FXYD2: variants seen among roughly 807,000 people sequenced by gnomAD.
FXYD2 encodes the protein FXYD domain containing ion transport regulator 2.
FXYD2 carries 8 observed loss-of-function variants against 11.8 expected under a neutral mutation model. The observed-to-expected ratio is 0.68, with a 90% CI of 0.40 to 1.22. The LOEUF (loss-of-function observed/expected upper bound fraction) is 1.22, where lower values mean the gene tolerates loss of function less well. Ranked by LOEUF, FXYD2 falls within the 50% of genes most tolerant of loss-of-function variation. The pLI is 0.01. For missense variants in FXYD2, 92 were observed against 91.8 expected (o/e 1.00, Z -0.01); for synonymous variants, 42 against 33.3 (o/e 1.26, Z -0.90).
rs2055989078 is a variant in FXYD2 at position 117,824,351 on chromosome 11, T to TTGCATCAGCAAGATGCATC, written c.25+302_25+303insGATGCATCTTGCTGATGCA. The stretch of plus-strand genomic sequence containing the variant: ...GCCTCCCGCCCAAGTTCAGACGGTC[T>TTGCATCAGCAAGATGCATC]AGCAAGATGCATTGAACTCAGGGCG... On this transcript the variant is annotated intron_variant, in intron 1 of 5. Transcript: ENST00000292079. The surrounding 1 kb of genome is among the most constrained non-coding windows in gnomAD (Gnocchi z 4.0). The TTGCATCAGCAAGATGCATC allele has an allele frequency of 1.5e-5, 8 of 536,922 alleles. No homozygotes were observed. The South Asian group carries it at 1.6e-4, about 11-fold the overall frequency. The allele number at this position is 536,922 out of a possible 1,614,324, so 33.3% of individuals were successfully genotyped here.
Position 117,820,710 on chromosome 11 carries a change from G to A in FXYD2, c.177-14C>T, listed in dbSNP as rs2055879475. On this transcript the variant is annotated splice_polypyrimidine_tract_variant and intron_variant, in intron 4 of 5. Transcript: ENST00000292079. The stretch of plus-strand genomic sequence containing the variant: ...TCATTGATTTGCCTGGTGGGGGAAG[G>A]AAAAGCAACAGGTGAGAGGGCAGGG... 14 of 1,613,666 alleles carry A rather than the reference G, an allele frequency of 8.7e-6. No individual in the cohort carries two copies. Among genetic ancestry groups the A allele is most frequent in the Non-Finnish European group, 1.2e-5 (14 of 1,179,990 alleles).
chr11:117,826,112 A>G (rs2056030726), upstream of FXYD2, among the ~76,000 whole-genome samples: 1 of 152,170 alleles, frequency 6.6e-6, no homozygotes, highest in Admixed American at 6.5e-5. Flanking sequence ...GCACACGGTG[A>G]GTGGCATCAT....
chr11:117,820,881 A>C lies in FXYD2; in HGVS notation c.154T>G (p.Cys52Gly). 6.2e-7 allele frequency: 1 copy of C among 1,611,794 alleles called. No homozygotes were observed. The highest frequency in any genetic ancestry group is 8.5e-7 in the Non-Finnish European group (1 of 1,179,730). The change falls in exon 4 of 6, where the codon TGT (cysteine) becomes GGT (glycine). Residue 52 changes from cysteine to glycine, a missense_variant. By Grantham distance (159) the Cys-to-Gly change is radical. Coordinates refer to ENST00000292079, the MANE Select transcript of FXYD2 (RefSeq NM_001680.5). ...CACCTGCGCTTCTTATTGCCCCCAC[A>C]GCGGAATCTTCTGCCTTGAAAAGAG... is the stretch of plus-strand genomic sequence containing the variant. ...LLILLSRRFR[C>G]GGNKKRRQIN...
upstream of FXYD2, among the ~76,000 whole-genome samples, chr11:117,826,796 C>CTATCTATCTATCTA: frequency 7.0e-6 from 1 of 143,502 alleles, no homozygotes; most frequent in Middle Eastern, 3.8e-3. Context: ...ATCTATCTAT[C>CTATCTATCTATCTA]TATCTATCTA....
upstream of FXYD2, chr11:117,824,848 G>A (rs920406900): frequency 7.6e-5 from 64 of 843,378 alleles, no homozygotes; most frequent in Middle Eastern, 6.8e-4. The surrounding 1 kb of genome is among the most constrained non-coding windows in gnomAD (Gnocchi z 4.0). Flanking sequence ...TGTGGATGGA[G>A]GGGCTCCTTC....
At position 117,824,657 on chromosome 11, in the gene FXYD2, C is replaced by T. The variant is rs191708738; in HGVS notation, c.22G>A (p.Gly8Ser). MTGLSMDGGGSPKGDVDP... is the reference protein window; with the variant it reads MTGLSMDSGGSPKGDVDP... ...GCACGCACACCAGCACACTCACCAC[C>T]GTCCATCGACAACCCAGTCATTTCC... is the stretch of plus-strand genomic sequence containing the variant. Residue 8 changes from glycine to serine, a missense_variant, in exon 1 of 6, where the codon GGT becomes AGT. Transcript: ENST00000292079. This position sits in a 1 kb window ranked among gnomAD's most constrained non-coding sequence, Gnocchi z 4.0. 5.0e-6 allele frequency: 8 copies of T among 1,613,662 alleles called. No individual in the cohort carries two copies. Among genetic ancestry groups the T allele is most frequent in the African/African-American group, 4.0e-5 (3 of 75,024 alleles).
Position 117,822,828 on chromosome 11 carries a change from C to T in FXYD2, c.26-111G>A. 2 of 1,426,912 alleles carry T rather than the reference C, an allele frequency of 1.4e-6. No individual in the cohort carries two copies. The highest frequency in any genetic ancestry group is 1.9e-6 in the Non-Finnish European group (2 of 1,041,834). The allele number at this position is 1,426,912 out of a possible 1,614,324, so 88.4% of individuals were successfully genotyped here. ...CCCAGAGGACCCTCGAGGGTCCAAG[C>T]AGGCGAGGGGAGGCTGGGAGCAGGG... is the stretch of plus-strand genomic sequence containing the variant. On this transcript the variant is annotated intron_variant, in intron 1 of 5. Coordinates refer to ENST00000292079, the MANE Select transcript of FXYD2 (RefSeq NM_001680.5). The surrounding 1 kb of genome is among the most constrained non-coding windows in gnomAD (Gnocchi z 4.7).
At position 117,820,851 on chromosome 11, in the gene FXYD2, G is replaced by C; in HGVS notation, c.176+8C>G. 6.2e-7 allele frequency: 1 copy of C among 1,612,838 alleles called. No individual in the cohort carries two copies. The highest frequency in any genetic ancestry group is 8.5e-7 in the Non-Finnish European group (1 of 1,179,862). On this transcript the variant is annotated splice_region_variant and intron_variant, in intron 4 of 5. Coordinates refer to ENST00000292079, the MANE Select transcript of FXYD2 (RefSeq NM_001680.5). ...ACCCCCTCATCGGTCACCCCAGGCA[G>C]CGCTCACCTGCGCTTCTTATTGCCC...
intron 5 of FXYD2, 111 bp from the exon 6 acceptor site, chr11:117,820,483 G>T: frequency 2.9e-6 from 2 of 693,614 alleles, no homozygotes; most frequent in Non-Finnish European, 4.8e-6. Flanking sequence ...ATCTCCTGCG[G>T]CACACACTCC....
intron 3 of FXYD2, 83 bp from the exon 4 acceptor site, chr11:117,820,978 C>T (rs1024640567): frequency 2.5e-6 from 4 of 1,598,054 alleles, no homozygotes; most frequent in African/African-American, 1.3e-5. Flanking sequence ...TCCAGTCTCT[C>T]CTACCTCCCT....
At chr11:117,820,926 T>C (rs771019695) in intron 3 of FXYD2, 31 bp from the exon 4 acceptor site, 23 of 1,614,062 alleles carry the variant, frequency 1.4e-5, no homozygotes, top group Non-Finnish European at 1.9e-5. Flanking sequence ...TTTGTTTCCA[T>C]GGACTAATTT....
intron 3 of FXYD2, chr11:117,821,246 A>G (rs2055895098): frequency 2.9e-6 from 2 of 686,276 alleles, no homozygotes; most frequent in Non-Finnish European, 3.6e-6. Flanking sequence ...TTTTTTGTAT[A>G]GATCGGGTCT....
At chr11:117,824,796 A>C, upstream of FXYD2, 3 of 1,276,260 alleles carry the variant, frequency 2.4e-6, no homozygotes, top group Admixed American at 5.9e-5. The surrounding 1 kb of genome is among the most constrained non-coding windows in gnomAD (Gnocchi z 4.0). Context: ...AAACATTAAC[A>C]GTGCCAGGTA....
At chr11:117,825,135 G>A (rs1226686537), upstream of FXYD2, among the ~76,000 whole-genome samples, 1 of 152,162 alleles carries the variant, frequency 6.6e-6, no homozygotes, top group African/African-American at 2.4e-5. Context: ...CATGGATGCC[G>A]CCGCTGCAGC....
chr11:117,825,707 C>T (rs1401461235), upstream of FXYD2, among the ~76,000 whole-genome samples: 4 of 152,154 alleles, frequency 2.6e-5, no homozygotes, highest in African/African-American at 4.8e-5. Flanking sequence ...CTCCCCACTC[C>T]GCTGTGACCT....
chr11:117,823,535 T>C (rs636566), intron 1 of FXYD2, among the ~76,000 whole-genome samples: 149,651 of 152,350 alleles, frequency 0.98, 73,557 homozygotes, highest in Middle Eastern at 1. Flanking sequence ...CCGTTAGAGG[T>C]AAGGTCCTGC....
chr11:117,827,077 TAAATAGAG>T (rs1342708310), upstream of FXYD2, among the ~76,000 whole-genome samples: 1 of 120,712 alleles, frequency 8.3e-6, no homozygotes, highest in African/African-American at 3.3e-5. Flanking sequence ...GATAGATAGA[TAAATAGAG>T]AGATAGATAG....
intron 3 of FXYD2, chr11:117,821,962 G>A (rs1033695664): frequency 9.4e-7 from 1 of 1,061,614 alleles, no homozygotes; most frequent in African/African-American, 1.7e-5. Context: ...AACTCTCTTT[G>A]TCTCCCCCAG....
rs371319483 is a variant in FXYD2 at position 117,821,736 on chromosome 11, G to A, written c.139+670C>T. On this transcript the variant is annotated intron_variant, in intron 3 of 5. Coordinates refer to ENST00000292079, the MANE Select transcript of FXYD2 (RefSeq NM_001680.5). ...TAGAGAGAGCTGCCATGGGCAACAC[G>A]GGAAAATGGGGAGACCCGCAGGACT... 2.2e-3 allele frequency: 2,190 copies of A among 986,756 alleles called. 4 individuals are homozygous for A. The highest frequency in any genetic ancestry group is 2.5e-3 in the Non-Finnish European group (2,072 of 830,882). The allele number at this position is 986,756 out of a possible 1,614,324, so 61.1% of individuals were successfully genotyped here.
Sources: allele counts gnomAD v4.1 joint callset (sites outside exome capture counted in the v4.1 genomes callset), GRCh38; gene constraint gnomAD v4.1.1; non-coding constraint Gnocchi (gnomAD v3.1); transcripts MANE v1.5; gene names NCBI Gene and HGNC (gene_info 2026-07-23, HGNC 2026-07-21).